PLXNA2: variants seen among roughly 807,000 people sequenced by gnomAD.
The protein encoded by PLXNA2 is plexin A2, also known as plexin-A2.
PLXNA2 carries 91 observed loss-of-function variants against 193.5 expected under a neutral mutation model. That is an observed-to-expected ratio of 0.47 (90% CI 0.40 to 0.56). The LOEUF (loss-of-function observed/expected upper bound fraction) is 0.56. Ranked by LOEUF, PLXNA2 falls within the 20% of genes least tolerant of loss-of-function variation. PLXNA2 has a pLI of 0.00. For synonymous variants in PLXNA2, 997 were observed against 1,027.3 expected (o/e 0.97, Z 0.56); for missense variants, 1,995 against 2,503.2 (o/e 0.80, Z 4.33).
intron 1 of PLXNA2, among the ~76,000 whole-genome samples, chr1:208,228,504 G>A (rs901416939): frequency 5.1e-4 from 78 of 152,278 alleles, no homozygotes; most frequent in African/African-American, 1.8e-3. Flanking sequence ...CCACAGATCT[G>A]CAAGTTGTGC....
intron 12 of PLXNA2, among the ~76,000 whole-genome samples, chr1:208,067,306 T>C (rs548153366): frequency 6.7e-6 from 1 of 148,586 alleles, no homozygotes; most frequent in Non-Finnish European, 1.5e-5. Context: ...ATCGCACCAT[T>C]GCACTCCAGC....
At chr1:208,187,891 A>G (rs955885600) in intron 3 of PLXNA2, among the ~76,000 whole-genome samples, 2 of 152,200 alleles carry the variant, frequency 1.3e-5, no homozygotes, top group African/African-American at 4.8e-5. Context: ...CACACGTATC[A>G]TCTCACTAAA....
At chr1:208,211,852 G>T (rs1670966267) in intron 2 of PLXNA2, among the ~76,000 whole-genome samples, 2 of 152,202 alleles carry the variant, frequency 1.3e-5, no homozygotes, top group Admixed American at 1.3e-4. Flanking sequence ...TCTCAAGAAA[G>T]ATCTTAGGTC....
At chr1:208,094,480 G>A (rs1385150163) in intron 8 of PLXNA2, among the ~76,000 whole-genome samples, 15 of 151,944 alleles carry the variant, frequency 9.9e-5, no homozygotes, top group Non-Finnish European at 4.4e-5. Context: ...CAGCATCTGT[G>A]TTGCCATAGC....
chr1:208,159,500 G>C (rs562505201), intron 3 of PLXNA2, among the ~76,000 whole-genome samples: 1 of 152,208 alleles, frequency 6.6e-6, no homozygotes, highest in Middle Eastern at 3.2e-3. Flanking sequence ...CCTCCAGCTC[G>C]TGCTCTTTCT....
At chr1:208,166,129 CA>C (rs1273505220) in intron 3 of PLXNA2, among the ~76,000 whole-genome samples, 1 of 152,114 alleles carries the variant, frequency 6.6e-6, no homozygotes, top group East Asian at 1.9e-4. Flanking sequence ...ACATTAAACA[CA>C]ACACAGAAAG....
At chr1:208,114,419 C>A (rs1667577789) in intron 4 of PLXNA2, among the ~76,000 whole-genome samples, 1 of 152,210 alleles carries the variant, frequency 6.6e-6, no homozygotes, top group Non-Finnish European at 1.5e-5. Context: ...AGCCTGACTG[C>A]CCAAGGCCTT....
At chr1:208,197,753 G>C (rs993516133) in intron 3 of PLXNA2, among the ~76,000 whole-genome samples, 1 of 152,158 alleles carries the variant, frequency 6.6e-6, no homozygotes, top group Admixed American at 6.5e-5. Context: ...TCCTGGCTAC[G>C]AGCTGTCTGA....
intron 17 of PLXNA2, among the ~76,000 whole-genome samples, chr1:208,048,591 A>T: frequency 6.6e-6 from 1 of 152,190 alleles, no homozygotes; most frequent in East Asian, 1.9e-4. Flanking sequence ...AGCGCTGAGA[A>T]CATTCCTGCC....
At chr1:208,042,916 G>T in intron 21 of PLXNA2, 145 bp downstream of exon 21, 1 of 737,528 alleles carries the variant, frequency 1.4e-6, no homozygotes, top group Non-Finnish European at 2.2e-6. Context: ...CTTCCTGATA[G>T]CTCTGTTGCT....
At chr1:208,221,577 A>G (rs1348071772) in intron 1 of PLXNA2, among the ~76,000 whole-genome samples, 4 of 152,000 alleles carry the variant, frequency 2.6e-5, no homozygotes, top group Non-Finnish European at 5.9e-5. Context: ...TGGAGTCAAG[A>G]GGAGGCACAG....
chr1:208,224,436 T>A (rs1328881346), intron 1 of PLXNA2, among the ~76,000 whole-genome samples: 1 of 151,250 alleles, frequency 6.6e-6, no homozygotes, highest in East Asian at 2.0e-4. Context: ...GGAGGTACGA[T>A]TAGTCTTTTT....
At chr1:208,052,494 C>T in intron 14 of PLXNA2, 31 bp from the exon 15 acceptor site, 1 of 1,610,264 alleles carries the variant, frequency 6.2e-7, no homozygotes, top group Non-Finnish European at 8.5e-7. Context: ...ATGACTACAG[C>T]TTAGGTTTTC....
At chr1:208,168,773 G>A (rs1368879389) in intron 3 of PLXNA2, among the ~76,000 whole-genome samples, 1 of 124,530 alleles carries the variant, frequency 8.0e-6, no homozygotes, top group African/African-American at 3.0e-5. Context: ...TAGTGCTCCT[G>A]AGAGACTGAT....
intron 9 of PLXNA2, among the ~76,000 whole-genome samples, chr1:208,090,669 G>C (rs1020570593): frequency 3.3e-5 from 5 of 152,234 alleles, no homozygotes; most frequent in African/African-American, 4.8e-5. Flanking sequence ...CTCTTGGCCT[G>C]AGGTGGGTAG....
intron 4 of PLXNA2, among the ~76,000 whole-genome samples, chr1:208,141,471 T>A (rs561719643): frequency 6.6e-6 from 1 of 152,306 alleles, no homozygotes; most frequent in South Asian, 2.1e-4. Flanking sequence ...CCTCAGCTGC[T>A]GGGACAGACT....
At chr1:208,161,293 C>T (rs576158090) in intron 3 of PLXNA2, among the ~76,000 whole-genome samples, 1 of 152,220 alleles carries the variant, frequency 6.6e-6, no homozygotes, top group Non-Finnish European at 1.5e-5. Flanking sequence ...TCTCCTTCCT[C>T]AATCCCCTTC....
chr1:208,184,720 T>G (rs1331906621), intron 3 of PLXNA2, among the ~76,000 whole-genome samples: 1 of 151,984 alleles, frequency 6.6e-6, no homozygotes, highest in Non-Finnish European at 1.5e-5. Context: ...CATTAAGAGA[T>G]CCGCTGGTGC....
intron 3 of PLXNA2, among the ~76,000 whole-genome samples, chr1:208,178,477 T>C (rs1024495162): frequency 1.3e-5 from 2 of 152,168 alleles, no homozygotes; most frequent in African/African-American, 4.8e-5. Context: ...CAGCACCCCC[T>C]TGAGGAAGGC....
Sources: allele counts gnomAD v4.1 joint callset (sites outside exome capture counted in the v4.1 genomes callset), GRCh38; gene constraint gnomAD v4.1.1; transcripts MANE v1.5; gene names NCBI Gene and HGNC (gene_info 2026-07-23, HGNC 2026-07-21).